Variants in FREM1 observed in about 807,000 individuals in gnomAD.
The protein encoded by FREM1 is FRAS1-related extracellular matrix protein 1.
A neutral mutation model predicts 210.1 loss-of-function variants in FREM1; 220 were observed. That is an observed-to-expected ratio of 1.05 (90% CI 0.94 to 1.17). FREM1 has a LOEUF of 1.17. Among genes scored for constraint, FREM1 ranks in the 50% most tolerant of loss-of-function variants. The probability of loss-of-function intolerance (pLI) is 0.00; values close to 1 mark genes in which losing one functional copy is unlikely to be tolerated. For synonymous variants in FREM1, 1,189 were observed against 980.2 expected, an observed-to-expected ratio of 1.21 and a Z score of -3.98; for missense variants, 3,454 against 2,675.5, an observed-to-expected ratio of 1.29 and a Z score of -6.42.
At chr9:14,775,464 G>C (rs1848381984) in intron 25 of FREM1, among the ~76,000 whole-genome samples, 1 of 152,124 alleles carries the variant, frequency 6.6e-6, no homozygotes, top group Non-Finnish European at 1.5e-5. Flanking sequence ...CCAGCACTTT[G>C]GGAGGCCGAG....
At position 14,868,216 on chromosome 9, in the gene FREM1, T is replaced by C. The variant is rs116545827; in HGVS notation, c.234+528A>G. 5.0e-3 allele frequency among the ~76,000 whole-genome samples: 761 copies of C among 152,322 alleles called. 4 individuals are homozygous for C. The highest frequency in any genetic ancestry group is 0.018 in the African/African-American group (736 of 41,576). ...AAAAATGTCTTGAAATCTTGATCTC[T>C]TATCCAAAGCCACTCTGACTGGCAA... On this transcript the variant is annotated intron_variant, in intron 2 of 36. Transcript: ENST00000380880.
intron 22 of FREM1, among the ~76,000 whole-genome samples, chr9:14,791,848 T>TGTTTTGTTTTGTTTC (rs1554664923): frequency 6.6e-6 from 1 of 151,874 alleles, no homozygotes; most frequent in Non-Finnish European, 1.5e-5. Context: ...TGTTTTGTTT[T>TGTTTTGTTTTGTTTC]TTAAGACGGA....
intron 16 of FREM1, among the ~76,000 whole-genome samples, chr9:14,810,597 G>A (rs1819221080): frequency 6.6e-6 from 1 of 152,138 alleles, no homozygotes; most frequent in Non-Finnish European, 1.5e-5. Context: ...ACCAGATAAT[G>A]TTAATTGGGG....
chr9:14,813,384 T>A (rs1360111870), intron 15 of FREM1, among the ~76,000 whole-genome samples: 1 of 152,200 alleles, frequency 6.6e-6, no homozygotes, highest in African/African-American at 2.4e-5. Context: ...AAAGCCCCTA[T>A]CCTCTTTCAT....
intron 10 of FREM1, among the ~76,000 whole-genome samples, chr9:14,826,054 C>G (rs1005132506): frequency 5.3e-5 from 8 of 151,378 alleles, no homozygotes; most frequent in Middle Eastern, 3.5e-3. Flanking sequence ...ATCCAAACTC[C>G]TTAGCATGGC....
At chr9:14,857,046 C>T (rs879819227) in intron 5 of FREM1, among the ~76,000 whole-genome samples, 7 of 152,060 alleles carry the variant, frequency 4.6e-5, no homozygotes, top group Non-Finnish European at 8.8e-5. Context: ...CGCAGGAGGT[C>T]TTTGGGAGCC....
intron 8 of FREM1, among the ~76,000 whole-genome samples, chr9:14,843,389 C>T (rs1277379569): frequency 6.6e-6 from 1 of 152,190 alleles, no homozygotes; most frequent in East Asian, 1.9e-4. Flanking sequence ...CAGACTAATA[C>T]CCATGACTTC....
chr9:14,775,842 C>T lies in FREM1; in HGVS notation c.4804G>A (p.Gly1602Ser). 3 of 1,613,796 alleles carry T rather than the reference C, an allele frequency of 1.9e-6. No homozygotes were observed. Among genetic ancestry groups the T allele is most frequent in the South Asian group, 2.2e-5 (2 of 91,076 alleles). Residue 1602 changes from glycine (G) to serine (S), a missense_variant, in exon 25 of 37, where the codon GGC (glycine) becomes AGC (serine). Gly to Ser is a moderately conservative substitution (Grantham distance 56). Transcript: ENST00000380880. ...CACACTCTCCCATTCACAATAAAGC[C>T]TTGGTTTGTCCCATCTGTGGCCATG... ...TFMATDGTNQ[G>S]FIVNGRVWEE... is the part of the protein sequence containing the mutation.
At chr9:14,761,874 CA>C (rs1443755972) in intron 27 of FREM1, among the ~76,000 whole-genome samples, 1 of 152,190 alleles carries the variant, frequency 6.6e-6, no homozygotes, top group Admixed American at 6.5e-5. Context: ...ATCATGGCCC[CA>C]AAGTGCAAGA....
Position 14,823,284 on chromosome 9 carries a change from T to G in FREM1, c.2213A>C (p.Gln738Pro), listed in dbSNP as rs201147372. 3 of 1,613,952 alleles carry G rather than the reference T, an allele frequency of 1.9e-6. No individual in the cohort carries two copies. Among genetic ancestry groups the G allele is most frequent in the African/African-American group, 2.7e-5 (2 of 75,056 alleles). The part of the protein sequence containing the change: ...YMKVAYMPPM[Q>P]DIGPHCRDVQ... The stretch of plus-strand genomic sequence containing the variant: ...ATCTCTGCAATGGGGACCAATGTCT[T>G]GCATGGGGGGCATGTAGGCCACTTT... The change falls in exon 13 of 37, where the codon CAA (glutamine) becomes CCA (proline). Residue 738 changes from glutamine to proline, a missense_variant. Coordinates refer to ENST00000380880, the MANE Select transcript of FREM1 (RefSeq NM_001379081.2).
intron 32 of FREM1, 95 bp downstream of exon 32, chr9:14,747,586 G>T: frequency 2.0e-6 from 2 of 1,018,658 alleles, no homozygotes; most frequent in African/African-American, 1.7e-5. Context: ...TTTTTTAAGA[G>T]AAATGTATAA....
intron 20 of FREM1, among the ~76,000 whole-genome samples, chr9:14,798,121 C>T (rs369803284): frequency 2.0e-5 from 3 of 152,024 alleles, no homozygotes; most frequent in Admixed American, 6.5e-5. Context: ...AGAAAAAGAA[C>T]AAAATTGGAA....
chr9:14,867,008 T>C (rs187357980), intron 2 of FREM1, among the ~76,000 whole-genome samples: 2,004 of 150,286 alleles, frequency 0.013, 50 homozygotes, highest in African/African-American at 0.048. Flanking sequence ...TACAGGTATG[T>C]GCCACTACGC....
At chr9:14,853,572 A>G (rs988705993) in intron 5 of FREM1, among the ~76,000 whole-genome samples, 2 of 152,230 alleles carry the variant, frequency 1.3e-5, no homozygotes, top group Non-Finnish European at 2.9e-5. Context: ...ATCATATGTC[A>G]TCAATGCCTG....
In FREM1 at chr9:14,860,926, TAC is replaced by T. The variant is rs1192221606; in HGVS notation, c.330-1444_330-1443del. ...ACACATATACACATATACACATATA[TAC>T]ACATATACACACATATACACATATA... On this transcript the variant is annotated intron_variant, in intron 3 of 36. Coordinates refer to ENST00000380880, the MANE Select transcript of FREM1 (RefSeq NM_001379081.2). 4.0e-5 allele frequency among the ~76,000 whole-genome samples: 5 copies of T among 124,488 alleles called. 1 individual carries two copies. The highest frequency in any genetic ancestry group is 4.9e-4 in the South Asian group (2 of 4,086). The allele number at this position is 124,488 out of a possible 152,430, so 81.7% of individuals were successfully genotyped here.
At chr9:14,899,903 C>T (rs1479645229) in intron 1 of FREM1, among the ~76,000 whole-genome samples, 2 of 152,138 alleles carry the variant, frequency 1.3e-5, no homozygotes, top group African/African-American at 4.8e-5. Context: ...TGATGAGACT[C>T]CTTTACTTGG....
At chr9:14,897,749 C>T (rs752550002) in intron 1 of FREM1, among the ~76,000 whole-genome samples, 15 of 152,034 alleles carry the variant, frequency 9.9e-5, no homozygotes, top group Non-Finnish European at 1.8e-4. Flanking sequence ...CGCCACCATG[C>T]CTGACTAATT....
intron 5 of FREM1, among the ~76,000 whole-genome samples, chr9:14,854,949 A>G (rs1828451467): frequency 6.6e-6 from 1 of 152,132 alleles, no homozygotes; most frequent in Non-Finnish European, 1.5e-5. Flanking sequence ...TTTCTGGATG[A>G]AAAGACTTAA....
At chr9:14,742,154 T>A (rs1264407682) in intron 35 of FREM1, among the ~76,000 whole-genome samples, 1 of 152,190 alleles carries the variant, frequency 6.6e-6, no homozygotes, top group Non-Finnish European at 1.5e-5. Flanking sequence ...TATATGGATA[T>A]AAAATTATAA....
Sources: gnomAD v4.1 joint callset for allele counts (sites outside exome capture counted in the v4.1 genomes callset) on GRCh38, gnomAD v4.1.1 for gene constraint, MANE v1.5 for transcripts, NCBI Gene and HGNC (gene_info 2026-07-23, HGNC 2026-07-21) for gene names.